ZNF280D: variants seen among roughly 807,000 people sequenced by gnomAD.
ZNF280D encodes the protein suppressor of hairy wing homolog 4.
In ZNF280D, 39 loss-of-function variants were observed where a neutral mutation model predicts 94.7. The observed-to-expected ratio is 0.41, with a 90% CI of 0.32 to 0.54. The LOEUF (loss-of-function observed/expected upper bound fraction) is 0.54, where lower values mean the gene tolerates loss of function less well. Among genes scored for constraint, ZNF280D ranks in the 20% least tolerant of loss-of-function variants. The pLI is 0.22. For synonymous variants in ZNF280D, 398 were observed against 377.6 expected, an observed-to-expected ratio of 1.05 and a Z score of -0.63; for missense variants, 1,090 against 1,149.3, an observed-to-expected ratio of 0.95 and a Z score of 0.75.
intron 6 of ZNF280D, among the ~76,000 whole-genome samples, chr15:56,695,204 C>T (rs1380067000): frequency 1.3e-5 from 2 of 151,994 alleles, no homozygotes; most frequent in Non-Finnish European, 2.9e-5. Flanking sequence ...TCCTGAGTAG[C>T]TGGGACTACA....
rs574909606 is a variant in ZNF280D at position 56,722,781 on chromosome 15, C to A, written c.-86+10677G>T. On this transcript the variant is annotated intron_variant, in intron 1 of 21. Transcript: ENST00000267807. ...CTGCTATAAAGACACATGCACACGT[C>A]TGTTTATTGCGGCATTATTCACAAT... is the stretch of plus-strand genomic sequence containing the variant. Among the ~76,000 whole-genome samples, 979 of 152,014 alleles carry A rather than the reference C, an allele frequency of 6.4e-3. 8 individuals carry two copies. The highest frequency in any genetic ancestry group is 0.021 in the African/African-American group (889 of 41,396).
In ZNF280D at chr15:56,714,674, C is replaced by T. The variant is rs372550344; in HGVS notation, c.-85-7368G>A. On this transcript the variant is annotated intron_variant, in intron 1 of 21. Coordinates refer to ENST00000267807, the MANE Select transcript of ZNF280D (RefSeq NM_017661.4). ...TTCCCTGCCCATCTCCTAACTTATACAAAAAACTTCATTCTCTGAAGGTAA... is the reference window on the plus strand; with the variant it reads ...TTCCCTGCCCATCTCCTAACTTATATAAAAAACTTCATTCTCTGAAGGTAA... 1.1e-4 allele frequency among the ~76,000 whole-genome samples: 16 copies of T among 152,146 alleles called. No individual in the cohort carries two copies. The South Asian group carries it at 2.7e-3, about 26-fold the overall frequency.
At chr15:56,689,249 T>C in intron 8 of ZNF280D, 51 bp downstream of exon 8, 2 of 1,560,740 alleles carry the variant, frequency 1.3e-6, no homozygotes, top group Non-Finnish European at 1.7e-6. Flanking sequence ...ACTTCAAAAA[T>C]GTATGTATAA....
chr15:56,643,468 A>T (rs1447789005), intron 19 of ZNF280D, among the ~76,000 whole-genome samples: 5 of 151,708 alleles, frequency 3.3e-5, no homozygotes, highest in Non-Finnish European at 1.5e-5. Context: ...TATTATAGTT[A>T]ACTTACTCTG....
In ZNF280D at chr15:56,731,432, A is replaced by G. The variant is rs2058879821; in HGVS notation, c.-86+2026T>C. 2.1e-5 allele frequency among the ~76,000 whole-genome samples: 3 copies of G among 145,478 alleles called. No individual in the cohort carries two copies. The Admixed American group carries it at 2.2e-4, about 11-fold the overall frequency. ...GTGGGAGGATGGCTTGAGCCCAGGA[A>G]GGAGGTCAAGGATGCAGCGAGCCAA... On this transcript the variant is annotated intron_variant, in intron 1 of 21. Coordinates refer to ENST00000267807, the MANE Select transcript of ZNF280D (RefSeq NM_017661.4).
intron 4 of ZNF280D, 137 bp downstream of exon 4, chr15:56,703,984 C>T: frequency 2.3e-6 from 2 of 884,754 alleles, no homozygotes; most frequent in Admixed American, 3.3e-5. Flanking sequence ...TAATCTCTTA[C>T]CTCCTTCCTC....
intron 7 of ZNF280D, among the ~76,000 whole-genome samples, chr15:56,690,620 C>T (rs2056371091): frequency 6.6e-6 from 1 of 151,958 alleles, no homozygotes; most frequent in African/African-American, 2.4e-5. Context: ...ATTTGAAAAC[C>T]ATTTTGTTAA....
intron 6 of ZNF280D, among the ~76,000 whole-genome samples, chr15:56,694,495 A>C (rs2056628516): frequency 6.6e-6 from 1 of 152,202 alleles, no homozygotes; most frequent in East Asian, 1.9e-4. Flanking sequence ...CTTTAGGAAA[A>C]ATATGGGCAA....
At chr15:56,637,446 G>T (rs1046011318) in intron 20 of ZNF280D, among the ~76,000 whole-genome samples, 2 of 151,944 alleles carry the variant, frequency 1.3e-5, no homozygotes, top group Non-Finnish European at 2.9e-5. Flanking sequence ...TTCCCAAAGT[G>T]TTGGGATTAC....
At chr15:56,731,824 T>C (rs756606224) in intron 1 of ZNF280D, among the ~76,000 whole-genome samples, 8 of 152,162 alleles carry the variant, frequency 5.3e-5, no homozygotes, top group Non-Finnish European at 1.0e-4. Flanking sequence ...TATTTAACTT[T>C]CCAATATTTT....
chr15:56,697,782 T>A (rs1335226666), intron 6 of ZNF280D: 1 of 152,172 alleles, frequency 6.6e-6, no homozygotes, highest in Non-Finnish European at 1.5e-5. Context: ...TTATTCATTT[T>A]AAAATAACAA....
At chr15:56,653,142 G>A in intron 19 of ZNF280D, 1 of 1,005,154 alleles carries the variant, frequency 9.9e-7, no homozygotes, top group African/African-American at 1.7e-5. Context: ...GAGACCTGTT[G>A]TTCCAAGGAT....
At chr15:56,641,419 C>T (rs2052621052) in intron 20 of ZNF280D, among the ~76,000 whole-genome samples, 1 of 151,878 alleles carries the variant, frequency 6.6e-6, no homozygotes. Context: ...TGTATTTTGT[C>T]ATTTGATATT....
intron 13 of ZNF280D, among the ~76,000 whole-genome samples, chr15:56,670,754 G>A (rs2054807949): frequency 6.6e-6 from 1 of 151,890 alleles, no homozygotes; most frequent in African/African-American, 2.4e-5. Context: ...GGTCTTCAAG[G>A]AATTGCCACA....
At chr15:56,680,225 T>C (rs2055527237) in intron 10 of ZNF280D, among the ~76,000 whole-genome samples, 1 of 152,190 alleles carries the variant, frequency 6.6e-6, no homozygotes, top group South Asian at 2.1e-4. Flanking sequence ...AGCTATCAAT[T>C]TCTTATTATT....
At chr15:56,642,491 ATAATTC>A in intron 20 of ZNF280D, among the ~76,000 whole-genome samples, 1 of 151,964 alleles carries the variant, frequency 6.6e-6, no homozygotes, top group Non-Finnish European at 1.5e-5. Context: ...CATTTATATG[ATAATTC>A]TGAGTTCTGC....
chr15:56,704,491 G>A (rs2057279996), intron 3 of ZNF280D, among the ~76,000 whole-genome samples: 1 of 152,118 alleles, frequency 6.6e-6, no homozygotes, highest in Non-Finnish European at 1.5e-5. Context: ...AATGACAGTA[G>A]TTATTTACCG....
chr15:56,644,649 C>T (rs1311228299), intron 19 of ZNF280D, among the ~76,000 whole-genome samples: 42 of 152,088 alleles, frequency 2.8e-4, no homozygotes, highest in Non-Finnish European at 2.9e-5. Flanking sequence ...AAAGAAATAT[C>T]ACCATGCTAA....
At chr15:56,676,302 A>AGCTTCCTCG (rs1340163082) in intron 13 of ZNF280D, among the ~76,000 whole-genome samples, 1 of 152,136 alleles carries the variant, frequency 6.6e-6, no homozygotes, top group African/African-American at 2.4e-5. Context: ...TTTCTTCCTC[A>AGCTTCCTCG]GTTCAAACTC....
Sources: gnomAD v4.1 joint callset for allele counts (sites outside exome capture counted in the v4.1 genomes callset) on GRCh38, gnomAD v4.1.1 for gene constraint, MANE v1.5 for transcripts, NCBI Gene and HGNC (gene_info 2026-07-23, HGNC 2026-07-21) for gene names.